Variants in LPP observed in about 807,000 individuals in gnomAD.
LPP encodes lipoma-preferred partner.
A neutral mutation model predicts 60.4 loss-of-function variants in LPP; 38 were observed. That is an observed-to-expected ratio of 0.63 (90% CI 0.49 to 0.83). LPP has a LOEUF of 0.83. Among genes scored for constraint, LPP ranks in the 40% least tolerant of loss-of-function variants. The probability of loss-of-function intolerance (pLI) is 0.00; values close to 1 mark genes in which losing one functional copy is unlikely to be tolerated. For synonymous variants in LPP, 328 were observed against 290.8 expected (o/e 1.13, Z -1.30); for missense variants, 902 against 783.6 (o/e 1.15, Z -1.80).
Position 188,785,547 on chromosome 3 carries a change from T to TATATATATATAC in LPP, c.1410+25266_1410+25267insTATATATATACA, listed in dbSNP as rs1206082559. The stretch of plus-strand genomic sequence containing the variant: ...ATATATATTCCATCATATATATATA[T>TATATATATATAC]ACACACACACACACACACACACACA... On this transcript the variant is annotated intron_variant, in intron 9 of 11. Coordinates refer to ENST00000617246, the MANE Select transcript of LPP (RefSeq NM_001375462.1). Among the ~76,000 whole-genome samples the TATATATATATAC allele has an allele frequency of 4.3e-3, 187 of 43,844 alleles. 40 individuals are homozygous for TATATATATATAC. The highest frequency in any genetic ancestry group is 0.015 in the African/African-American group (163 of 10,628). 28.8% of individuals were successfully genotyped at this position (43,844 alleles called of 152,430 possible).
chr3:188,663,705 T>G (rs1035310830), intron 7 of LPP, among the ~76,000 whole-genome samples: 1 of 152,226 alleles, frequency 6.6e-6, no homozygotes, highest in Non-Finnish European at 1.5e-5. Context: ...GTCTCCGACC[T>G]TTTTGGCACC....
chr3:188,633,334 T>G (rs928891815), intron 7 of LPP, among the ~76,000 whole-genome samples: 4 of 152,212 alleles, frequency 2.6e-5, no homozygotes, highest in Non-Finnish European at 5.9e-5. Flanking sequence ...TGTTGTTTTG[T>G]CAAAGCTTCT....
rs62289656 is a variant in LPP at position 188,529,812 on chromosome 3, A to C, written c.429+5025A>C. 2.1e-3 allele frequency among the ~76,000 whole-genome samples: 320 copies of C among 152,314 alleles called. 2 individuals carry two copies. Among genetic ancestry groups the C allele is most frequent in the Middle Eastern group, 0.01 (3 of 294 alleles). ...GGTCTTTCCTTTAGAGTGATATTTA[A>C]TCTTACAGAAGAGATAAGCCCGTAA... On this transcript the variant is annotated intron_variant, in intron 6 of 11. Coordinates refer to ENST00000617246, the MANE Select transcript of LPP (RefSeq NM_001375462.1).
chr3:188,687,907 T>A (rs1225573988), intron 7 of LPP, among the ~76,000 whole-genome samples: 1 of 151,984 alleles, frequency 6.6e-6, no homozygotes, highest in African/African-American at 2.4e-5. Flanking sequence ...CCCGAGTAGC[T>A]GGGACTACAG....
intron 2 of LPP, among the ~76,000 whole-genome samples, chr3:188,340,018 G>C (rs1762622762): frequency 6.6e-6 from 1 of 152,184 alleles, no homozygotes; most frequent in Admixed American, 6.5e-5. Flanking sequence ...AACTAAGTGT[G>C]TGTTAGTGCT....
At chr3:188,329,161 C>A (rs1206845138) in intron 2 of LPP, among the ~76,000 whole-genome samples, 2 of 152,196 alleles carry the variant, frequency 1.3e-5, no homozygotes, top group Admixed American at 6.5e-5. Context: ...TTAACAGCCA[C>A]TCATTGAGTC....
chr3:188,711,476 G>A (rs1055039409), intron 8 of LPP: 2 of 152,178 alleles, frequency 1.3e-5, no homozygotes, highest in African/African-American at 4.8e-5. Flanking sequence ...GATGGGGAAA[G>A]CTAGCCAGGC....
chr3:188,477,120 G>A (rs765915959), intron 4 of LPP, among the ~76,000 whole-genome samples: 3 of 152,182 alleles, frequency 2.0e-5, no homozygotes, highest in Non-Finnish European at 2.9e-5. Flanking sequence ...TTTGTATCCG[G>A]TATCTTCCTC....
chr3:188,830,600 G>A lies in LPP; in HGVS notation c.1411-35600G>A, dbSNP rs565867775. Among the ~76,000 whole-genome samples the A allele has an allele frequency of 1.7e-4, 25 of 150,822 alleles. 1 individual carries two copies. Among genetic ancestry groups the A allele is most frequent in the East Asian group, 1.4e-3 (7 of 5,152 alleles). ...AGCCTGGGCAACAGAGTGAAACTCC[G>A]TCTCAAAAAACAAAAAAAAAAATGC... On this transcript the variant is annotated intron_variant, in intron 9 of 11. Coordinates refer to ENST00000617246, the MANE Select transcript of LPP (RefSeq NM_001375462.1).
At chr3:188,763,466 T>A (rs1404505325) in intron 9 of LPP, among the ~76,000 whole-genome samples, 2 of 152,178 alleles carry the variant, frequency 1.3e-5, no homozygotes, top group Non-Finnish European at 2.9e-5. Context: ...ACCAGTAATG[T>A]CTGCAGCTTT....
At chr3:188,820,217 T>C (rs2151435378) in intron 9 of LPP, among the ~76,000 whole-genome samples, 2 of 152,256 alleles carry the variant, frequency 1.3e-5, no homozygotes, top group South Asian at 4.1e-4. Flanking sequence ...TTTTCCCCTT[T>C]GGAACTTCTT....
intron 6 of LPP, among the ~76,000 whole-genome samples, chr3:188,585,636 A>G (rs1450024105): frequency 1.3e-5 from 2 of 152,230 alleles, no homozygotes; most frequent in East Asian, 1.9e-4. Context: ...GGCTACAAAT[A>G]CATGTTTTAA....
At chr3:188,483,369 A>G (rs923848736) in intron 4 of LPP, among the ~76,000 whole-genome samples, 3 of 152,174 alleles carry the variant, frequency 2.0e-5, no homozygotes, top group Non-Finnish European at 2.9e-5. Flanking sequence ...ATGTTTTGAT[A>G]ATATCCAAAA....
At chr3:188,154,500 C>T (rs905072600) in intron 1 of LPP, among the ~76,000 whole-genome samples, 1 of 152,096 alleles carries the variant, frequency 6.6e-6, no homozygotes, top group African/African-American at 2.4e-5. Flanking sequence ...GCCTTGCGCG[C>T]CCCCTGCCCG....
intron 7 of LPP, among the ~76,000 whole-genome samples, chr3:188,669,978 T>C (rs1459618549): frequency 6.6e-6 from 1 of 152,138 alleles, no homozygotes; most frequent in Non-Finnish European, 1.5e-5. Context: ...CTGGAAACCA[T>C]CATTCTGAGC....
At chr3:188,750,748 A>G (rs1488595493) in intron 8 of LPP, among the ~76,000 whole-genome samples, 1 of 152,174 alleles carries the variant, frequency 6.6e-6, no homozygotes, top group Non-Finnish European at 1.5e-5. Context: ...GAGAAAACCT[A>G]ATGTTCTTTA....
rs1380518732 is a variant in LPP at position 188,696,848 on chromosome 3, G to A, written c.1114-11419G>A. Among the ~76,000 whole-genome samples, 3 of 152,024 alleles carry A rather than the reference G, an allele frequency of 2.0e-5. No homozygotes were observed. The East Asian group carries it at 5.8e-4, about 29-fold the overall frequency. The stretch of plus-strand genomic sequence containing the variant: ...GACTGGATTATAAATTCTATGAACT[G>A]GTTGCATCTCACTCATTTTGATGAC... On this transcript the variant is annotated intron_variant, in intron 7 of 11. Transcript: ENST00000617246.
At chr3:188,855,320 G>A (rs765946511) in intron 9 of LPP, among the ~76,000 whole-genome samples, 6 of 152,172 alleles carry the variant, frequency 3.9e-5, no homozygotes, top group African/African-American at 7.2e-5. Context: ...TGTCTTAAGC[G>A]CTGCCGCAGA....
intron 7 of LPP, among the ~76,000 whole-genome samples, chr3:188,706,405 A>G (rs1329214293): frequency 3.3e-5 from 5 of 152,238 alleles, no homozygotes; most frequent in African/African-American, 4.8e-5. Flanking sequence ...CAACAATGCA[A>G]TAAAGTCTCA....
Sources: gnomAD v4.1 joint callset for allele counts (sites outside exome capture counted in the v4.1 genomes callset) on GRCh38, gnomAD v4.1.1 for gene constraint, MANE v1.5 for transcripts, NCBI Gene and HGNC (gene_info 2026-07-23, HGNC 2026-07-21) for gene names.